Variants in SYCE1 observed in about 807,000 individuals in gnomAD.
SYCE1 encodes synaptonemal complex central element protein 1.
SYCE1 carries 37 observed loss-of-function variants against 55.1 expected under a neutral mutation model. The ratio of observed to expected loss-of-function variants is 0.67; its 90% confidence interval spans 0.52 to 0.88. SYCE1 has a LOEUF of 0.88. Among genes scored for constraint, SYCE1 ranks in the 40% least tolerant of loss-of-function variants. The probability of loss-of-function intolerance (pLI) is 0.00; values close to 1 mark genes in which losing one functional copy is unlikely to be tolerated. For synonymous variants in SYCE1, 163 were observed against 159.4 expected (o/e 1.02, Z -0.17); for missense variants, 399 against 416.4 (o/e 0.96, Z 0.36).
At chr10:133,557,737 C>T in intron 6 of SYCE1, 127 bp downstream of exon 6, 2 of 1,089,396 alleles carry the variant, frequency 1.8e-6, no homozygotes, top group South Asian at 1.4e-5. Context: ...GAAAGACATT[C>T]TTTGGACTCT....
At chr10:133,556,644 C>T (rs1851690011) in intron 8 of SYCE1, 115 bp downstream of exon 8, 3 of 1,083,372 alleles carry the variant, frequency 2.8e-6, no homozygotes, top group South Asian at 1.4e-5. Flanking sequence ...GATCTTAGCA[C>T]CACCAGGGCT....
intron 1 of SYCE1, among the ~76,000 whole-genome samples, chr10:133,564,085 T>C (rs1023843943): frequency 2.6e-5 from 4 of 152,122 alleles, no homozygotes; most frequent in African/African-American, 9.7e-5. Context: ...CCCCCATCCA[T>C]AGTTCGTATG....
intron 4 of SYCE1, chr10:133,558,667 T>C: frequency 1.7e-6 from 1 of 574,272 alleles, no homozygotes; most frequent in South Asian, 2.3e-5. Flanking sequence ...ACAGACAGCG[T>C]CTGGCAAAAG....
At chr10:133,568,279 CT>C, upstream of SYCE1, 1 of 1,419,884 alleles carries the variant, frequency 7.0e-7, no homozygotes, top group South Asian at 1.2e-5. Flanking sequence ...CGCGGCCCTT[CT>C]CCAGCCTGAG....
intron 1 of SYCE1, among the ~76,000 whole-genome samples, chr10:133,563,270 A>ACCTTG: frequency 6.6e-6 from 1 of 152,330 alleles, no homozygotes; most frequent in Non-Finnish European, 1.5e-5. Flanking sequence ...GGTGTTCATC[A>ACCTTG]CTGTATTGTT....
Position 133,555,580 on chromosome 10 carries a change from A to T in SYCE1, c.830+17T>A. The T allele has an allele frequency of 6.2e-7, 1 of 1,602,646 alleles. No individual in the cohort carries two copies. ...TCTTCCTGGTGGGGGTTGCGGGGAC[A>T]GGGCCTCCACACGCACCTCTGCCGC... On this transcript the variant is annotated intron_variant, in intron 11 of 12. Transcript: ENST00000343131.
At chr10:133,567,779 G>A (rs1376238890), upstream of SYCE1, 1 of 327,284 alleles carries the variant, frequency 3.1e-6, no homozygotes, top group African/African-American at 2.2e-5. Context: ...GAGTGTGGCT[G>A]GGCTGTTGGT....
upstream of SYCE1, among the ~76,000 whole-genome samples, chr10:133,566,877 TTA>T (rs1851953235): frequency 4.2e-5 from 1 of 23,854 alleles, no homozygotes; most frequent in East Asian, 3.7e-3. Context: ...AGGGTTAGCA[TTA>T]GGAGTTACAG....
At chr10:133,557,666 G>A in intron 6 of SYCE1, 198 bp downstream of exon 6, 1 of 614,200 alleles carries the variant, frequency 1.6e-6, no homozygotes, top group Non-Finnish European at 2.8e-6. Context: ...TTTAGCAAAT[G>A]AATGTCTTGC....
chr10:133,564,381 G>A (rs781397000), intron 1 of SYCE1: 24 of 984,860 alleles, frequency 2.4e-5, no homozygotes, highest in East Asian at 1.1e-4. Flanking sequence ...AGGCACAAGC[G>A]ACATTGGTTA....
intron 7 of SYCE1, 102 bp from the exon 8 acceptor site, chr10:133,556,924 C>T: frequency 6.6e-7 from 1 of 1,525,718 alleles, no homozygotes; most frequent in Non-Finnish European, 9.1e-7. Context: ...GGTGCTTTGC[C>T]CATGGTCTCT....
rs746092054 is a variant in SYCE1 at position 133,557,864 on chromosome 10, C to T, written c.374G>A (p.Arg125Lys). The T allele has an allele frequency of 1.2e-6, 2 of 1,614,130 alleles. No homozygotes were observed. Among genetic ancestry groups the T allele is most frequent in the South Asian group, 2.2e-5 (2 of 91,082 alleles). ...HCQEKESEAHRKHTMLQECKE... is the reference protein window; with the variant it reads ...HCQEKESEAHKKHTMLQECKE... ...GTTAGGCTCAGCTGGAAGCTCTTAC[C>T]TGTGTGCCTCACTTTCCTTTTCCTG... is the stretch of plus-strand genomic sequence containing the variant. The change falls in exon 6 of 13, where the codon AGG becomes AAG. Residue 125 changes from arginine (R) to lysine (K), a missense_variant and splice_region_variant. Transcript: ENST00000343131.
In SYCE1 at chr10:133,564,291, C is replaced by T. The variant is rs1368167278; in HGVS notation, c.73+1166G>A. ...CCAGGAAGCAGGCCCCCACCAGACG[C>T]TGAATTGCACCTTGATCTTGAACTT... On this transcript the variant is annotated intron_variant, in intron 1 of 12. Coordinates refer to ENST00000343131, the MANE Select transcript of SYCE1 (RefSeq NM_001143764.3). The T allele has an allele frequency of 3.4e-5, 25 of 727,270 alleles. No individual in the cohort carries two copies. The African/African-American group carries it at 4.4e-4, about 13-fold the overall frequency. The allele number at this position is 727,270 out of a possible 1,614,324, so 45.1% of individuals were successfully genotyped here.
chr10:133,554,779 C>A (rs1048574326), downstream of SYCE1: 19 of 1,464,776 alleles, frequency 1.3e-5, no homozygotes, highest in Non-Finnish European at 1.6e-5. Flanking sequence ...GCGTCTCGGG[C>A]CTGCATCCCT....
intron 1 of SYCE1, 49 bp from the exon 2 acceptor site, chr10:133,560,202 A>G (rs759840091): frequency 6.4e-7 from 1 of 1,569,124 alleles, no homozygotes; most frequent in Non-Finnish European, 8.8e-7. Context: ...GCGAGAGGCC[A>G]CCCCTGGGCT....
chr10:133,554,524 A>G, downstream of SYCE1: 1 of 656,596 alleles, frequency 1.5e-6, no homozygotes, highest in Non-Finnish European at 2.7e-6. Flanking sequence ...TTCCTGTCCA[A>G]AAGTGCCTGA....
At chr10:133,560,876 T>G (rs1030781744) in intron 1 of SYCE1, 1 of 152,222 alleles carries the variant, frequency 6.6e-6, no homozygotes, top group Admixed American at 6.5e-5. Flanking sequence ...TCAGTCATCC[T>G]TCTTCTTACT....
At chr10:133,562,091 C>T (rs1222150994) in intron 1 of SYCE1, among the ~76,000 whole-genome samples, 1 of 151,810 alleles carries the variant, frequency 6.6e-6, no homozygotes, top group Admixed American at 6.5e-5. Flanking sequence ...CTTCTTTTTT[C>T]CATGACAGCC....
chr10:133,560,342 C>T, intron 1 of SYCE1, 189 bp from the exon 2 acceptor site: 1 of 511,890 alleles, frequency 2.0e-6, no homozygotes, highest in Non-Finnish European at 3.5e-6. Context: ...TAAAATTATA[C>T]CAGATATCCT....
Sources: gnomAD v4.1 joint callset for allele counts (sites outside exome capture counted in the v4.1 genomes callset) on GRCh38, gnomAD v4.1.1 for gene constraint, MANE v1.5 for transcripts, NCBI Gene and HGNC (gene_info 2026-07-23, HGNC 2026-07-21) for gene names.